The following ARHGAP5 variants were observed in gnomAD, a reference collection of about 807,000 sequenced individuals.
ARHGAP5 encodes rho GTPase-activating protein 5.
Under a neutral mutation model 116.6 loss-of-function variants are expected in ARHGAP5, and 23 were observed. The observed-to-expected ratio is 0.20, with a 90% CI of 0.14 to 0.28. The LOEUF is 0.28. ARHGAP5 is among the 10% of genes least tolerant of loss of function. The probability of loss-of-function intolerance (pLI) is 1.00; values close to 1 mark genes in which losing one functional copy is unlikely to be tolerated. For missense variants in ARHGAP5, 1,405 were observed against 1,774.8 expected (o/e 0.79, Z 3.74); for synonymous variants, 574 against 602.0 (o/e 0.95, Z 0.68).
rs140177459 is a variant in ARHGAP5, at chr14:32,093,961, A to G, written c.3292A>G (p.Ile1098Val). 464 of 1,613,862 alleles carry G rather than the reference A, an allele frequency of 2.9e-4. 1 individual carries two copies. The East Asian group carries it at 8.1e-3, about 28-fold the overall frequency. The change falls in exon 2 of 7, where the codon ATT becomes GTT. Residue 1098 changes from isoleucine (I) to valine (V), a missense_variant. Physicochemically the swap from Ile to Val is conservative, Grantham distance 29. Transcript: ENST00000345122. ...SDNYAEPIDTIFKQKGYSDEI... is the reference protein window; with the variant it reads ...SDNYAEPIDTVFKQKGYSDEI... ...TAACTATGCGGAACCCATTGATACAATTTTCAAACAGAAGGGCTATTCTGA... is the reference window on the plus strand; with the variant it reads ...TAACTATGCGGAACCCATTGATACAGTTTTCAAACAGAAGGGCTATTCTGA...
At chr14:32,117,011 T>C in intron 2 of ARHGAP5, 129 bp from the exon 3 acceptor site, 1 of 621,458 alleles carries the variant, frequency 1.6e-6, no homozygotes, top group Non-Finnish European at 2.5e-6. Flanking sequence ...GCGAGTCATA[T>C]TGGTGGACAT....
intron 3 of ARHGAP5, among the ~76,000 whole-genome samples, chr14:32,120,545 C>T (rs1461139685): frequency 6.7e-6 from 1 of 150,352 alleles, no homozygotes; most frequent in Non-Finnish European, 1.5e-5. Flanking sequence ...ATTGTTTTAG[C>T]TGTATTCCAT....
chr14:32,101,844 G>A (rs780583732), intron 2 of ARHGAP5, among the ~76,000 whole-genome samples: 10 of 152,196 alleles, frequency 6.6e-5, no homozygotes, highest in Non-Finnish European at 8.8e-5. Flanking sequence ...TTAGCCAGGC[G>A]TGGTGGTGTG....
chr14:32,090,341 G>A (rs947135004), intron 1 of ARHGAP5, among the ~76,000 whole-genome samples, 161 bp from the exon 2 acceptor site: 3 of 152,046 alleles, frequency 2.0e-5, no homozygotes, highest in Admixed American at 2.0e-4. Context: ...AGGTCATCTT[G>A]TATTTATAAC....
chr14:32,092,623 G>C lies in ARHGAP5; in HGVS notation c.1954G>C (p.Ala652Pro), dbSNP rs146396734. Residue 652 changes from alanine to proline, a missense_variant, in exon 2 of 7, where the codon GCC becomes CCC. Transcript: ENST00000345122. The surrounding 1 kb of genome is among the most constrained non-coding windows in gnomAD (Gnocchi z 4.1). ...PYFLSQLWTA[A>P]FKPHGCFCVF... Reference sequence around the variant, plus strand: ...CTTTTTGAGTCAGTTATGGACTGCCGCCTTTAAACCACATGGGTGCTTCTG... The same window carrying C: ...CTTTTTGAGTCAGTTATGGACTGCCCCCTTTAAACCACATGGGTGCTTCTG... 3 of 1,613,770 alleles carry C rather than the reference G, an allele frequency of 1.9e-6. No homozygotes were observed. In the African/African-American group the frequency reaches 4.0e-5, roughly 22 times the overall value.
intron 3 of ARHGAP5, among the ~76,000 whole-genome samples, chr14:32,137,838 G>A (rs770833006): frequency 3.9e-5 from 6 of 151,940 alleles, no homozygotes; most frequent in Non-Finnish European, 7.4e-5. Context: ...CAGACGTGGT[G>A]GCAGGCGCCT....
rs767350381 is a variant in ARHGAP5 at position 32,154,846 on chromosome 14, A to G, written c.4407A>G (p.Pro1469=). The G allele has an allele frequency of 8.7e-6, 14 of 1,613,994 alleles. No individual in the cohort carries two copies. In the Admixed American group the frequency reaches 1.2e-4, roughly 13 times the overall value. Residue 1469 remains proline (P), a synonymous_variant, in exon 7 of 7, where the codon CCA becomes CCG. Transcript: ENST00000345122. ...TGGCTCCTCCACCACCTTCAAACCCAGGACAGTTGGTGGAACCAATGGTGC... is the reference window on the plus strand; with the variant it reads ...TGGCTCCTCCACCACCTTCAAACCCGGGACAGTTGGTGGAACCAATGGTGC... ...NIVAPPPPSN[P]GQLVEPMVPL...
chr14:32,156,358 G>C lies in ARHGAP5; in HGVS notation c.*1410G>C, dbSNP rs1881893589. ...CTTATGTGTATTATAGTAAATAGAT[G>C]ATTTTCAGATTCAAGGCTCCTAAGA... On this transcript the variant is annotated 3_prime_UTR_variant, in exon 7 of 7. Transcript: ENST00000345122. The C allele has an allele frequency of 6.6e-6, 1 of 152,294 alleles. No homozygotes were observed. Among genetic ancestry groups the C allele is most frequent in the Non-Finnish European group, 1.5e-5 (1 of 67,826 alleles). The allele number at this position is 152,294 out of a possible 1,614,324, so 9.4% of individuals were successfully genotyped here.
chr14:32,122,949 C>A (rs1879961996), intron 3 of ARHGAP5, among the ~76,000 whole-genome samples: 1 of 151,974 alleles, frequency 6.6e-6, no homozygotes, highest in Admixed American at 6.6e-5. Context: ...GAACTTTGTT[C>A]TTCTGGGTAT....
At chr14:32,144,515 G>A (rs868233002) in intron 3 of ARHGAP5, among the ~76,000 whole-genome samples, 8 of 151,552 alleles carry the variant, frequency 5.3e-5, no homozygotes, top group African/African-American at 1.7e-4. Context: ...AAGGAGTCTC[G>A]CTCTGTCGCC....
At chr14:32,141,965 C>T (rs1220697375) in intron 3 of ARHGAP5, among the ~76,000 whole-genome samples, 1 of 152,116 alleles carries the variant, frequency 6.6e-6, no homozygotes, top group African/African-American at 2.4e-5. Flanking sequence ...ACTGGATAAT[C>T]TCAACCAGTC....
rs544513228 is a variant in ARHGAP5, at chr14:32,148,593, T to C, written c.3944-1309T>C. On this transcript the variant is annotated intron_variant, in intron 4 of 6. Transcript: ENST00000345122. Reference sequence around the variant, plus strand: ...ATAGCATCATATCATTTTCATATTATTGTAATATATTTAAATGAAATCTAA... The same window carrying C: ...ATAGCATCATATCATTTTCATATTACTGTAATATATTTAAATGAAATCTAA... 2.0e-5 allele frequency among the ~76,000 whole-genome samples: 3 copies of C among 152,334 alleles called. No individual in the cohort carries two copies. The East Asian group carries it at 5.8e-4, about 29-fold the overall frequency.
chr14:32,131,999 G>C (rs930747875), intron 3 of ARHGAP5, among the ~76,000 whole-genome samples: 2 of 152,148 alleles, frequency 1.3e-5, no homozygotes, highest in African/African-American at 4.8e-5. Context: ...GGACATTTAG[G>C]TTGGTTCCAA....
At chr14:32,114,156 A>G (rs1879441820) in intron 2 of ARHGAP5, among the ~76,000 whole-genome samples, 1 of 151,986 alleles carries the variant, frequency 6.6e-6, no homozygotes, top group South Asian at 2.1e-4. Context: ...TGAACCCAGG[A>G]GGCAGAGCTT....
chr14:32,114,144 C>T (rs952732355), intron 2 of ARHGAP5, among the ~76,000 whole-genome samples: 3 of 151,844 alleles, frequency 2.0e-5, no homozygotes, highest in Admixed American at 6.6e-5. Context: ...AGGAGAATGG[C>T]GTGAACCCAG....
intron 2 of ARHGAP5, among the ~76,000 whole-genome samples, chr14:32,114,894 C>T (rs1231749918): frequency 1.3e-5 from 2 of 152,140 alleles, no homozygotes; most frequent in African/African-American, 4.8e-5. Context: ...CTTCCCCTGC[C>T]CACACATATA....
intron 1 of ARHGAP5, among the ~76,000 whole-genome samples, chr14:32,087,182 A>G (rs551727712): frequency 1.3e-5 from 2 of 152,190 alleles, no homozygotes; most frequent in African/African-American, 2.4e-5. Flanking sequence ...GGAGCATGAA[A>G]AAAAACAATA....
chr14:32,156,288 T>TATTTGGTCAATAA lies in ARHGAP5; in HGVS notation c.*1351_*1352insAAATTTGGTCAAT, dbSNP rs1881889749. ...TATTTTGTGTAGTAAAGAAAAAAATTATTTGGTCAATGTTATCTTAATTCA... is the reference window on the plus strand; with the variant it reads ...TATTTTGTGTAGTAAAGAAAAAAATTATTTGGTCAATAAATTTGGTCAATGTTATCTTAATTCA... On this transcript the variant is annotated 3_prime_UTR_variant, in exon 7 of 7. Coordinates refer to ENST00000345122, the MANE Select transcript of ARHGAP5 (RefSeq NM_001030055.2). The TATTTGGTCAATAA allele has an allele frequency of 2.0e-5, 3 of 152,562 alleles. No homozygotes were observed. The East Asian group carries it at 5.8e-4, about 29-fold the overall frequency. The allele number at this position is 152,562 out of a possible 1,614,324, so 9.5% of individuals were successfully genotyped here. A position where few individuals can be genotyped will look rare whatever the true frequency, so the allele number is the denominator to read the frequency against.
At chr14:32,145,393 G>T (rs1881327688) in intron 3 of ARHGAP5, among the ~76,000 whole-genome samples, 1 of 152,200 alleles carries the variant, frequency 6.6e-6, no homozygotes, top group Non-Finnish European at 1.5e-5. Context: ...AGTCAAAAAG[G>T]TTTTGTTTTG....
Sources: gnomAD v4.1 joint callset for allele counts (sites outside exome capture counted in the v4.1 genomes callset) on GRCh38, gnomAD v4.1.1 for gene constraint, Gnocchi (gnomAD v3.1) non-coding constraint, MANE v1.5 for transcripts, NCBI Gene and HGNC (gene_info 2026-07-23, HGNC 2026-07-21) for gene names.